PROM2: variants seen among roughly 807,000 people sequenced by gnomAD.
PROM2 encodes prominin-2.
A neutral mutation model predicts 110.2 loss-of-function variants in PROM2; 90 were observed. The observed-to-expected ratio is 0.82, with a 90% CI of 0.69 to 0.97. The LOEUF (loss-of-function observed/expected upper bound fraction) is 0.97, where lower values mean the gene tolerates loss of function less well. Among genes scored for constraint, PROM2 ranks in the 50% least tolerant of loss-of-function variants. The pLI is 0.00. For synonymous variants in PROM2, 470 were observed against 467.8 expected (o/e 1.00, Z -0.06); for missense variants, 1,009 against 1,074.8 (o/e 0.94, Z 0.86).
At chr2:95,282,447 G>C (rs1451311845) in intron 14 of PROM2, among the ~76,000 whole-genome samples, 1 of 152,196 alleles carries the variant, frequency 6.6e-6, no homozygotes, top group Non-Finnish European at 1.5e-5. Flanking sequence ...CCAGCCCCAA[G>C]CACAGCCAAG....
rs1276383771 is a variant in PROM2 at position 95,277,933 on chromosome 2, C to T, written c.979C>T (p.Pro327Ser). ...AACCCACCTTCCCCCATTTCAGGTG[C>T]CCTCTGTGGACCATGTCCTGCACCA... ...LELGADFSQV[P>S]SVDHVLHQLK... The change falls in exon 8 of 24, where the codon CCC becomes TCC. Residue 327 changes from proline (P) to serine (S), a missense_variant. Pro to Ser is a moderately conservative substitution (Grantham distance 74). Transcript: ENST00000317620. 1 of 1,611,982 alleles carries T rather than the reference C, an allele frequency of 6.2e-7. No homozygotes were observed. Among genetic ancestry groups the T allele is most frequent in the Non-Finnish European group, 8.5e-7 (1 of 1,179,326 alleles).
At chr2:95,279,270 TTTTGTTTG>T (rs916335833) in intron 10 of PROM2, 126 bp downstream of exon 10, 2 of 738,078 alleles carry the variant, frequency 2.7e-6, no homozygotes, top group Admixed American at 3.7e-5. Flanking sequence ...CCTCTGTGTT[TTTTGTTTG>T]TTTGTTTGTT....
intron 14 of PROM2, among the ~76,000 whole-genome samples, chr2:95,283,180 C>A (rs566205056): frequency 2.0e-5 from 3 of 152,222 alleles, no homozygotes; most frequent in African/African-American, 7.2e-5. Context: ...GTGGAGGAAG[C>A]CTGGCCAGGG....
intron 12 of PROM2, 41 bp downstream of exon 12, chr2:95,281,406 G>T (rs1410705667): frequency 2.5e-6 from 4 of 1,592,280 alleles, no homozygotes; most frequent in Non-Finnish European, 3.4e-6. Flanking sequence ...GGGGAGAGAG[G>T]TGGGGGGCGG....
At chr2:95,277,333 A>T (rs753153920) in intron 6 of PROM2, 31 bp from the exon 7 acceptor site, 6 of 1,583,578 alleles carry the variant, frequency 3.8e-6, no homozygotes, top group Non-Finnish European at 5.2e-6. Context: ...CATATGGTGG[A>T]CCCTGCTCAG....
At chr2:95,285,149 G>T (rs1159775908) in intron 15 of PROM2, 34 bp downstream of exon 15, 1 of 1,516,452 alleles carries the variant, frequency 6.6e-7, no homozygotes, top group South Asian at 1.3e-5. Context: ...GGCTTCCTCA[G>T]CAGGTGGTGA....
At position 95,279,160 on chromosome 2, in the gene PROM2, G is replaced by C; in HGVS notation, c.1274+16G>C. On this transcript the variant is annotated intron_variant, in intron 10 of 23. Transcript: ENST00000317620. ...AGACCTACAGGTGCTGGGCACCGCA[G>C]GGTGGGATGGGGTGGGGTGGGGTGG... 1 of 1,356,438 alleles carries C rather than the reference G, an allele frequency of 7.4e-7. No homozygotes were observed. The highest frequency in any genetic ancestry group is 2.9e-5 in the East Asian group (1 of 34,836). 84.0% of individuals were successfully genotyped at this position (1,356,438 alleles called of 1,614,324 possible). A position where few individuals can be genotyped will look rare whatever the true frequency, so the allele number is the denominator to read the frequency against.
rs961379099 is a variant in PROM2 at position 95,276,540 on chromosome 2, G to C, written c.619-54G>C. The C allele has an allele frequency of 1.9e-6, 3 of 1,611,954 alleles. No homozygotes were observed. The highest frequency in any genetic ancestry group is 8.5e-7 in the Non-Finnish European group (1 of 1,178,138). On this transcript the variant is annotated intron_variant, in intron 4 of 23. Transcript: ENST00000317620. This position sits in a 1 kb window ranked among gnomAD's most constrained non-coding sequence, Gnocchi z 4.6. Reference sequence around the variant, plus strand: ...GGGAAGGGGCCAGGGAGAGAAGGGCGTAAGGACTGTGGGTGACCAGGAAGG... The same window carrying C: ...GGGAAGGGGCCAGGGAGAGAAGGGCCTAAGGACTGTGGGTGACCAGGAAGG...
At position 95,277,013 on chromosome 2, in the gene PROM2, A is replaced by G. The variant is rs1224173896; in HGVS notation, c.724A>G (p.Arg242Gly). ...SIGSAIHTQL[R>G]SSVYPLLAAV... ...TGGGAGCGCGATCCACACTCAGCTC[A>G]GGAGCTCCGTGTACCCCTTGCTGGC... The change falls in exon 6 of 24, where the codon AGG becomes GGG. Residue 242 changes from arginine to glycine, a missense_variant. Arg to Gly is a moderately radical substitution (Grantham distance 125, BLOSUM62 -2). Coordinates refer to ENST00000317620, the MANE Select transcript of PROM2 (RefSeq NM_001165978.3). The G allele has an allele frequency of 3.2e-6, 5 of 1,553,306 alleles. No homozygotes were observed. The highest frequency in any genetic ancestry group is 1.2e-5 in the South Asian group (1 of 84,200).
At position 95,277,506 on chromosome 2, in the gene PROM2, A is replaced by G; in HGVS notation, c.915A>G (p.Gly305=). The change falls in exon 7 of 24, where the codon GGA becomes GGG. Residue 305 remains glycine (G), a synonymous_variant. Coordinates refer to ENST00000317620, the MANE Select transcript of PROM2 (RefSeq NM_001165978.3). The stretch of plus-strand genomic sequence containing the variant: ...TGCTGCAGGAGGCCAGGTGCCAGGG[A>G]GATTGTGCAGGGGCCCTGAGCTGGG... The part of the protein sequence containing the change: ...LELLQEARCQ[G]DCAGALSWAR... The G allele has an allele frequency of 6.2e-7, 1 of 1,610,928 alleles. No homozygotes were observed. The highest frequency in any genetic ancestry group is 1.3e-5 in the African/African-American group (1 of 74,992).
chr2:95,276,184 C>G lies in PROM2; in HGVS notation c.498-43C>G. 6.2e-7 allele frequency: 1 copy of G among 1,613,364 alleles called. No homozygotes were observed. Among genetic ancestry groups the G allele is most frequent in the African/African-American group, 1.3e-5 (1 of 75,046 alleles). On this transcript the variant is annotated intron_variant, in intron 3 of 23. Coordinates refer to ENST00000317620, the MANE Select transcript of PROM2 (RefSeq NM_001165978.3). This position sits in a 1 kb window ranked among gnomAD's most constrained non-coding sequence, Gnocchi z 4.6. ...GGGCGGGCTGTGGCCCCCAGGCTCC[C>G]TCTTACCCAGCAAGCACCTTCCTCC...
chr2:95,288,777 T>A (rs1328836087), intron 22 of PROM2, among the ~76,000 whole-genome samples, 156 bp from the exon 23 acceptor site: 1 of 152,202 alleles, frequency 6.6e-6, no homozygotes, highest in East Asian at 1.9e-4. Flanking sequence ...CCCCTTACCC[T>A]TCTTGCTGCA....
intron 19 of PROM2, 25 bp downstream of exon 19, chr2:95,287,238 G>T: frequency 6.2e-7 from 1 of 1,609,156 alleles, no homozygotes; most frequent in East Asian, 2.2e-5. Flanking sequence ...GGACAGGGAA[G>T]GGGCTTCCAC....
At chr2:95,288,633 G>A (rs771734680) in intron 22 of PROM2, 44 bp downstream of exon 22, 11 of 1,549,342 alleles carry the variant, frequency 7.1e-6, no homozygotes, top group Non-Finnish European at 9.8e-6. Flanking sequence ...GGGCCAGGGA[G>A]GTGTCCTTTC....
chr2:95,286,126 G>A (rs1263977647), intron 16 of PROM2, among the ~76,000 whole-genome samples: 1 of 152,202 alleles, frequency 6.6e-6, no homozygotes, highest in African/African-American at 2.4e-5. Context: ...GGGAAAAATA[G>A]CATTTTGTAT....
Position 95,289,330 on chromosome 2 carries a change from G to T in PROM2, c.*117G>T. 1 of 367,866 alleles carries T rather than the reference G, an allele frequency of 2.7e-6. No homozygotes were observed. The allele number at this position is 367,866 out of a possible 1,614,324, so 22.8% of individuals were successfully genotyped here. A position where few individuals can be genotyped will look rare whatever the true frequency, so the allele number is the denominator to read the frequency against. On this transcript the variant is annotated 3_prime_UTR_variant, in exon 24 of 24. Coordinates refer to ENST00000317620, the MANE Select transcript of PROM2 (RefSeq NM_001165978.3). ...CCAGGCTGGCATCCAGGCCTGGACT[G>T]TCCCCAGTTCCGGCTTACCTGGCCC...
At chr2:95,281,067 A>C (rs1677012691) in intron 11 of PROM2, among the ~76,000 whole-genome samples, 175 bp from the exon 12 acceptor site, 1 of 152,170 alleles carries the variant, frequency 6.6e-6, no homozygotes, top group African/African-American at 2.4e-5. Flanking sequence ...AGTCAGGAAT[A>C]CTGGGTTCTC....
intron 9 of PROM2, 74 bp downstream of exon 9, chr2:95,278,858 G>A: frequency 1.2e-6 from 2 of 1,609,302 alleles, no homozygotes; most frequent in Non-Finnish European, 1.7e-6. Context: ...GGCTTGTTGA[G>A]AGAGGACTGG....
chr2:95,288,829 C>A, intron 22 of PROM2, 104 bp from the exon 23 acceptor site: 2 of 1,207,790 alleles, frequency 1.7e-6, no homozygotes, highest in East Asian at 2.3e-5. Flanking sequence ...CCATCCCCCA[C>A]AGGGCTTCCG....
Sources: gnomAD v4.1 joint callset for allele counts (sites outside exome capture counted in the v4.1 genomes callset) on GRCh38, gnomAD v4.1.1 for gene constraint, Gnocchi (gnomAD v3.1) non-coding constraint, MANE v1.5 for transcripts, NCBI Gene and HGNC (gene_info 2026-07-23, HGNC 2026-07-21) for gene names.